Variants in CHD6 observed in about 807,000 individuals in gnomAD.
CHD6 encodes chromodomain helicase DNA binding protein 6, also known as ATP-dependent chromatin remodeler CHD6.
In CHD6, 50 loss-of-function variants were observed where a neutral mutation model predicts 276.9. The ratio of observed to expected loss-of-function variants is 0.18; its 90% CI spans 0.14 to 0.23. The LOEUF (loss-of-function observed/expected upper bound fraction) is 0.23, where lower values mean the gene tolerates loss of function less well. Ranked by LOEUF, CHD6 falls within the 10% of genes least tolerant of loss-of-function variation. The probability of loss-of-function intolerance (pLI) is 1.00; values close to 1 mark genes in which losing one functional copy is unlikely to be tolerated. For missense variants in CHD6, 2,564 were observed against 3,365.8 expected (o/e 0.76, Z 5.89); for synonymous variants, 1,173 against 1,229.3 (o/e 0.95, Z 0.96).
At chr20:41,563,684 CAGACCCT>C (rs780957780) in intron 1 of CHD6, among the ~76,000 whole-genome samples, 7 of 152,150 alleles carry the variant, frequency 4.6e-5, no homozygotes, top group Non-Finnish European at 1.0e-4. Flanking sequence ...AGCAAGTGGC[CAGACCCT>C]TCTAGAGCTA....
At position 41,405,364 on chromosome 20, in the gene CHD6, G is replaced by A. The variant is rs200363651; in HGVS notation, c.7377C>T (p.Asp2459=). 4.1e-5 allele frequency: 66 copies of A among 1,614,232 alleles called. No individual in the cohort carries two copies. In the East Asian group the frequency reaches 8.5e-4, roughly 21 times the overall value. Residue 2459 remains aspartate, a synonymous_variant, in exon 37 of 37, where the codon GAC becomes GAT. Transcript: ENST00000373233. The part of the protein sequence containing the change: ...ELLKAPSIVA[D]SPSGMGPLFM... ...ACAGTGGCCCCATTCCAGAGGGAGAGTCTGCCACAATGGAAGGAGCCTTCA... is the reference window on the plus strand; with the variant it reads ...ACAGTGGCCCCATTCCAGAGGGAGAATCTGCCACAATGGAAGGAGCCTTCA...
intron 1 of CHD6, among the ~76,000 whole-genome samples, chr20:41,584,834 A>G (rs2045576892): frequency 6.6e-6 from 1 of 152,190 alleles, no homozygotes; most frequent in African/African-American, 2.4e-5. Flanking sequence ...ATAGCATTAA[A>G]GCTTGTATTA....
intron 12 of CHD6, 99 bp from the exon 13 acceptor site, chr20:41,488,703 C>A: frequency 9.9e-7 from 1 of 1,005,978 alleles, no homozygotes; most frequent in Non-Finnish European, 1.4e-6. Flanking sequence ...GATGCTGGGG[C>A]CTAGGTGAGA....
At chr20:41,495,086 G>A (rs1355559760) in intron 8 of CHD6, among the ~76,000 whole-genome samples, 6 of 150,890 alleles carry the variant, frequency 4.0e-5, no homozygotes, top group South Asian at 2.1e-4. Flanking sequence ...TTCATATACC[G>A]TTTCCATCTT....
chr20:41,551,737 C>A (rs2045149689), intron 1 of CHD6, among the ~76,000 whole-genome samples: 3 of 152,056 alleles, frequency 2.0e-5, no homozygotes, highest in Non-Finnish European at 1.5e-5. Flanking sequence ...TGGAAGAAAA[C>A]AATCAATGAT....
chr20:41,610,463 CA>C (rs1474461431), intron 1 of CHD6, among the ~76,000 whole-genome samples: 1 of 152,084 alleles, frequency 6.6e-6, no homozygotes, highest in East Asian at 1.9e-4. Context: ...AGATTCCCTT[CA>C]TAAAGTTAAT....
chr20:41,561,062 A>G (rs1449436672), intron 1 of CHD6, among the ~76,000 whole-genome samples: 1 of 152,164 alleles, frequency 6.6e-6, no homozygotes, highest in African/African-American at 2.4e-5. Context: ...CAGATAATAA[A>G]TATTTTAGGC....
At chr20:41,614,278 C>T (rs184377816) in intron 1 of CHD6, among the ~76,000 whole-genome samples, 5 of 152,276 alleles carry the variant, frequency 3.3e-5, no homozygotes, top group Admixed American at 2.6e-4. Flanking sequence ...TACTTCCCAG[C>T]ATCCTGAAAT....
intron 29 of CHD6, 91 bp from the exon 30 acceptor site, chr20:41,423,791 A>T: frequency 1.0e-6 from 1 of 973,562 alleles, no homozygotes; most frequent in Non-Finnish European, 1.6e-6. Flanking sequence ...GAGAGCCCAT[A>T]AAGTCAAGAA....
chr20:41,600,676 A>G (rs2045764752), intron 1 of CHD6, among the ~76,000 whole-genome samples: 1 of 152,212 alleles, frequency 6.6e-6, no homozygotes, highest in Non-Finnish European at 1.5e-5. Flanking sequence ...AACATTTGTG[A>G]CTGAACGCCT....
intron 1 of CHD6, among the ~76,000 whole-genome samples, chr20:41,565,381 A>T (rs979808262): frequency 1.3e-5 from 2 of 152,212 alleles, no homozygotes; most frequent in Non-Finnish European, 2.9e-5. Context: ...GGCGTGAGCC[A>T]CCGCGCCCAG....
At chr20:41,472,125 G>A (rs879486430) in intron 17 of CHD6, among the ~76,000 whole-genome samples, 4 of 151,790 alleles carry the variant, frequency 2.6e-5, no homozygotes, top group Non-Finnish European at 5.9e-5. Flanking sequence ...TCCCAGCTAC[G>A]CAGGAGGCTG....
rs143315318 is a variant in CHD6 at position 41,450,187 on chromosome 20, G to A, written c.3683+759C>T. Among the ~76,000 whole-genome samples, 79 of 152,308 alleles carry A rather than the reference G, an allele frequency of 5.2e-4. No individual in the cohort carries two copies. The East Asian group carries it at 0.012, about 24-fold the overall frequency. On this transcript the variant is annotated intron_variant, in intron 23 of 36. Transcript: ENST00000373233. ...AATCATTAAGAAGATGTTATAGGGA[G>A]ACGGGAAAACCCAAGCAAAAGCTCT...
intron 1 of CHD6, among the ~76,000 whole-genome samples, chr20:41,569,232 T>C (rs935166484): frequency 1.3e-5 from 2 of 152,196 alleles, no homozygotes; most frequent in Non-Finnish European, 2.9e-5. Flanking sequence ...TGTAGTACAC[T>C]AAAAGCAGAA....
chr20:41,613,493 G>C (rs1163935572), intron 1 of CHD6, among the ~76,000 whole-genome samples: 2 of 152,196 alleles, frequency 1.3e-5, no homozygotes, highest in African/African-American at 4.8e-5. Context: ...GCAACGAATG[G>C]CTTCCATGTG....
intron 1 of CHD6, among the ~76,000 whole-genome samples, chr20:41,606,585 G>A (rs1186078809): frequency 2.0e-5 from 3 of 151,272 alleles, no homozygotes; most frequent in African/African-American, 7.3e-5. Context: ...TGAGGCAGGA[G>A]AATCACTTGA....
chr20:41,477,796 C>T (rs942299629), intron 16 of CHD6, among the ~76,000 whole-genome samples: 7 of 152,062 alleles, frequency 4.6e-5, no homozygotes, highest in South Asian at 2.1e-4. Context: ...TAGGTATCCC[C>T]GAAAGCAGGG....
intron 1 of CHD6, among the ~76,000 whole-genome samples, chr20:41,552,320 T>A (rs2045158688): frequency 6.6e-6 from 1 of 152,214 alleles, no homozygotes; most frequent in Non-Finnish European, 1.5e-5. Flanking sequence ...AAAACCAAAT[T>A]ACCCATAAGT....
At position 41,405,408 on chromosome 20, in the gene CHD6, G is replaced by A. The variant is rs759376635; in HGVS notation, c.7333C>T (p.Arg2445Trp). 32 of 1,612,938 alleles carry A rather than the reference G, an allele frequency of 2.0e-5. No homozygotes were observed. The highest frequency in any genetic ancestry group is 2.5e-5 in the Non-Finnish European group (29 of 1,179,194). Residue 2445 changes from arginine to tryptophan, a missense_variant, in exon 37 of 37, where the codon CGG (arginine) becomes TGG (tryptophan). Coordinates refer to ENST00000373233, the MANE Select transcript of CHD6 (RefSeq NM_032221.5). Reference sequence around the variant, plus strand: ...GCCTTCAGGAGTTCGCTCCGAGGCCGCCTCCCCCTCCTGCGGGGGCCCGTA... The same window carrying A: ...GCCTTCAGGAGTTCGCTCCGAGGCCACCTCCCCCTCCTGCGGGGGCCCGTA... ...RDTGPRRRGRRPRSELLKAPS... is the reference protein window; with the variant it reads ...RDTGPRRRGRWPRSELLKAPS...
Sources: gnomAD v4.1 joint callset for allele counts (sites outside exome capture counted in the v4.1 genomes callset) on GRCh38, gnomAD v4.1.1 for gene constraint, MANE v1.5 for transcripts, NCBI Gene and HGNC (gene_info 2026-07-23, HGNC 2026-07-21) for gene names.